The following DNAJB6 variants were observed in gnomAD, a reference collection of about 807,000 sequenced individuals.
DNAJB6 encodes the protein dnaJ homolog subfamily B member 6.
A neutral mutation model predicts 42.7 loss-of-function variants in DNAJB6; 16 were observed. The ratio of observed to expected loss-of-function variants is 0.37; its 90% confidence interval spans 0.25 to 0.57. DNAJB6 has a LOEUF of 0.57. Among genes scored for constraint, DNAJB6 ranks in the 20% least tolerant of loss-of-function variants. DNAJB6 has a pLI of 0.74. For missense variants in DNAJB6, 347 were observed against 416.8 expected, an observed-to-expected ratio of 0.83 and a Z score of 1.46; for synonymous variants, 170 against 163.5, an observed-to-expected ratio of 1.04 and a Z score of -0.30.
chr7:157,379,171 T>C (rs904479173), intron 5 of DNAJB6: 2 of 152,216 alleles, frequency 1.3e-5, no homozygotes, highest in African/African-American at 2.4e-5. Context: ...GATGATGATA[T>C]AATTATGAAT....
chr7:157,372,097 T>C (rs1477739138), intron 5 of DNAJB6: 3 of 152,642 alleles, frequency 2.0e-5, no homozygotes, highest in Non-Finnish European at 4.4e-5. Flanking sequence ...AACCTGACTT[T>C]CTGACCTGTG....
intron 8 of DNAJB6, among the ~76,000 whole-genome samples, chr7:157,390,452 C>A (rs1194936486): frequency 6.6e-6 from 1 of 152,218 alleles, no homozygotes; most frequent in Non-Finnish European, 1.5e-5. Flanking sequence ...CCTGGTCCTT[C>A]CTCTTCCCCC....
chr7:157,402,706 G>T (rs913235110), intron 8 of DNAJB6, among the ~76,000 whole-genome samples: 1 of 152,210 alleles, frequency 6.6e-6, no homozygotes, highest in Non-Finnish European at 1.5e-5. Context: ...ACGGTGCATG[G>T]GTGGTCCCAA....
At chr7:157,354,643 T>G (rs797001528) in intron 1 of DNAJB6, among the ~76,000 whole-genome samples, 2 of 152,092 alleles carry the variant, frequency 1.3e-5, no homozygotes, top group South Asian at 2.1e-4. Flanking sequence ...CCAGCCAATA[T>G]CTGCACATTT....
intron 5 of DNAJB6, 99 bp from the exon 6 acceptor site, chr7:157,382,147 A>G (rs1800812900): frequency 1.5e-6 from 2 of 1,369,476 alleles, no homozygotes; most frequent in Admixed American, 5.6e-5. Flanking sequence ...TTTGTTCCTG[A>G]ATATGTTACA....
chr7:157,405,723 G>T lies in DNAJB6; in HGVS notation c.692-4072G>T, dbSNP rs911671599. On this transcript the variant is annotated intron_variant, in intron 8 of 9. Coordinates refer to ENST00000262177, the MANE Select transcript of DNAJB6 (RefSeq NM_058246.4). ...AAACCCGAACCTCAGGGCTGATCCC[G>T]TTGTGGCCAGGAGGAAGAATGGATA... Among the ~76,000 whole-genome samples the T allele has an allele frequency of 3.5e-4, 53 of 152,220 alleles. 1 individual carries two copies. The highest frequency in any genetic ancestry group is 1.3e-3 in the African/African-American group (52 of 41,462).
At chr7:157,349,538 A>G (rs1798863938) in intron 1 of DNAJB6, among the ~76,000 whole-genome samples, 2 of 151,902 alleles carry the variant, frequency 1.3e-5, no homozygotes, top group Non-Finnish European at 2.9e-5. Context: ...GTTGGCGTGC[A>G]GTGGTAAAAT....
rs117545397 is a variant in DNAJB6 at position 157,372,884 on chromosome 7, C to T, written c.346+5401C>T. Among the ~76,000 whole-genome samples, 362 of 152,300 alleles carry T rather than the reference C, an allele frequency of 2.4e-3. 9 individuals are homozygous for T. The East Asian group carries it at 0.054, about 23-fold the overall frequency. On this transcript the variant is annotated intron_variant, in intron 5 of 9. Transcript: ENST00000262177. Reference sequence around the variant, plus strand: ...CTGTTCTTCTCCCTACATTTGCAGACGGATGGCCCATCCGATGTTGACATC... The same window carrying T: ...CTGTTCTTCTCCCTACATTTGCAGATGGATGGCCCATCCGATGTTGACATC...
At chr7:157,360,230 C>T (rs192478701) in intron 2 of DNAJB6, among the ~76,000 whole-genome samples, 1 of 152,078 alleles carries the variant, frequency 6.6e-6, no homozygotes, top group African/African-American at 2.4e-5. Context: ...TCTTACATGG[C>T]GACAGCAAGA....
intron 1 of DNAJB6, among the ~76,000 whole-genome samples, chr7:157,346,670 A>G (rs1392779243): frequency 6.6e-6 from 1 of 152,218 alleles, no homozygotes; most frequent in African/African-American, 2.4e-5. Context: ...AAAAATTTGA[A>G]TGCAGGTAAC....
chr7:157,342,049 TAG>T (rs1563105905), intron 1 of DNAJB6, among the ~76,000 whole-genome samples: 1 of 152,102 alleles, frequency 6.6e-6, no homozygotes, highest in Non-Finnish European at 1.5e-5. Flanking sequence ...GTATATTTAG[TAG>T]AGAGTGGGTT....
chr7:157,343,399 C>T (rs1250320765), intron 1 of DNAJB6, among the ~76,000 whole-genome samples: 2 of 152,064 alleles, frequency 1.3e-5, no homozygotes, highest in Non-Finnish European at 1.5e-5. Context: ...AGGTGATCTG[C>T]GTGCCTCGGC....
rs1795907774 is a variant in DNAJB6 at position 157,409,830 on chromosome 7, A to G, written c.727A>G (p.Met243Val). 1 of 1,533,326 alleles carries G rather than the reference A, an allele frequency of 6.5e-7. No individual in the cohort carries two copies. Among genetic ancestry groups the G allele is most frequent in the African/African-American group, 1.4e-5 (1 of 72,874 alleles). The allele number at this position is 1,533,326 out of a possible 1,614,324, so 95.0% of individuals were successfully genotyped here. Residue 243 changes from methionine to valine, a missense_variant, in exon 9 of 10, where the codon ATG (methionine) becomes GTG (valine). Physicochemically the swap from Met to Val is conservative, Grantham distance 21. This residue lies in a region of DNAJB6 where 264 missense variants were observed against 288.0 expected (regional missense o/e 0.92). Coordinates refer to ENST00000262177, the MANE Select transcript of DNAJB6 (RefSeq NM_058246.4). ...CGACGATGCCCTCGCTGAGGAGCGC[A>G]TGCGGAGAGGCCAGAACGCCCTGCC... ...ADDDALAEER[M>V]RRGQNALPAQ...
At chr7:157,408,463 C>T (rs1290497309) in intron 8 of DNAJB6, among the ~76,000 whole-genome samples, 2 of 152,206 alleles carry the variant, frequency 1.3e-5, no homozygotes, top group Non-Finnish European at 2.9e-5. Context: ...TGGGGACACA[C>T]AGGCTCCAGG....
intron 5 of DNAJB6, among the ~76,000 whole-genome samples, chr7:157,374,460 T>C (rs557811050): frequency 6.6e-6 from 1 of 152,222 alleles, no homozygotes; most frequent in East Asian, 1.9e-4. Flanking sequence ...GGTTTCTTCA[T>C]GTTGGTCAGG....
At chr7:157,360,318 C>T (rs79118106) in intron 2 of DNAJB6, among the ~76,000 whole-genome samples, 16 of 152,258 alleles carry the variant, frequency 1.1e-4, no homozygotes, top group African/African-American at 2.9e-4. Context: ...GAGAATAGCA[C>T]GGGAAAGACT....
intron 8 of DNAJB6, among the ~76,000 whole-genome samples, chr7:157,407,800 G>A (rs889730404): frequency 2.6e-5 from 4 of 152,218 alleles, no homozygotes; most frequent in African/African-American, 9.6e-5. Flanking sequence ...CCGCTCTCTT[G>A]CCAGGGTCCA....
intron 1 of DNAJB6, among the ~76,000 whole-genome samples, chr7:157,354,730 C>T (rs1032778756): frequency 3.9e-5 from 6 of 152,122 alleles, no homozygotes; most frequent in Non-Finnish European, 7.4e-5. Context: ...GATAATGATG[C>T]TGGTGAAGAT....
chr7:157,409,843 A>G lies in DNAJB6; in HGVS notation c.740A>G (p.Gln247Arg), dbSNP rs1271115912. Residue 247 changes from glutamine (Q) to arginine (R), a missense_variant, in exon 9 of 10, where the codon CAG becomes CGG. Gln to Arg is a conservative substitution (Grantham distance 43). Coordinates refer to ENST00000262177, the MANE Select transcript of DNAJB6 (RefSeq NM_058246.4). ...GCTGAGGAGCGCATGCGGAGAGGCC[A>G]GAACGCCCTGCCAGCCCAGCCTGCC... The part of the protein sequence containing the change: ...ALAEERMRRG[Q>R]NALPAQPAGL... The G allele has an allele frequency of 2.6e-6, 4 of 1,533,676 alleles. No individual in the cohort carries two copies. In the South Asian group the frequency reaches 4.8e-5, roughly 18 times the overall value.
Sources: allele counts gnomAD v4.1 joint callset (sites outside exome capture counted in the v4.1 genomes callset), GRCh38; gene constraint gnomAD v4.1.1; regional missense constraint gnomAD v4.1.1; transcripts MANE v1.5; gene names NCBI Gene and HGNC (gene_info 2026-07-23, HGNC 2026-07-21).